Variants in GALNS observed in about 807,000 individuals in gnomAD.
The protein encoded by GALNS is galactosamine (N-acetyl)-6-sulfatase.
In GALNS, 65 loss-of-function variants were observed where a neutral mutation model predicts 65.9. The ratio of observed to expected loss-of-function variants is 0.99; its 90% confidence interval spans 0.81 to 1.21. GALNS has a LOEUF of 1.21. Ranked by LOEUF, GALNS falls within the 50% of genes most tolerant of loss-of-function variation. The probability of loss-of-function intolerance (pLI) is 0.00; values close to 1 mark genes in which losing one functional copy is unlikely to be tolerated. For missense variants in GALNS, 776 were observed against 700.7 expected, an observed-to-expected ratio of 1.11 and a Z score of -1.21; for synonymous variants, 346 against 288.9, an observed-to-expected ratio of 1.20 and a Z score of -2.00.
At chr16:88,850,918 T>A (rs932618751) in intron 1 of GALNS, among the ~76,000 whole-genome samples, 1 of 152,184 alleles carries the variant, frequency 6.6e-6, no homozygotes, top group African/African-American at 2.4e-5. Flanking sequence ...GCTGCTCCTA[T>A]CAGCGAACAG....
Position 88,822,653 on chromosome 16 carries a change from C to G in GALNS, c.1300G>C (p.Asp434His). ...VSGVTTHNLE[D>H]HTKLPLIFHL... ...AAGATCAGGGGCAGCTTCGTGTGGTCTTCCAGATTGTGAGTTGTGACCCCT... is the reference window on the plus strand; with the variant it reads ...AAGATCAGGGGCAGCTTCGTGTGGTGTTCCAGATTGTGAGTTGTGACCCCT... The change falls in exon 12 of 14, where the codon GAC (aspartate) becomes CAC (histidine). Residue 434 changes from aspartate (D) to histidine (H), a missense_variant. Coordinates refer to ENST00000268695, the MANE Select transcript of GALNS (RefSeq NM_000512.5). The G allele has an allele frequency of 6.2e-7, 1 of 1,613,192 alleles. No individual in the cohort carries two copies. The highest frequency in any genetic ancestry group is 8.5e-7 in the Non-Finnish European group (1 of 1,179,862).
At chr16:88,850,498 C>T (rs77282198) in intron 1 of GALNS, among the ~76,000 whole-genome samples, 3,484 of 152,078 alleles carry the variant, frequency 0.023, 62 homozygotes, top group Non-Finnish European at 0.035. Flanking sequence ...GAAAATACTG[C>T]GGGGAGGAGT....
At chr16:88,824,938 G>C in intron 10 of GALNS, 69 bp from the exon 11 acceptor site, 1 of 1,267,258 alleles carries the variant, frequency 7.9e-7, no homozygotes. Context: ...GAGGCTCTGG[G>C]CTGCGTCTGT....
At chr16:88,846,889 G>C (rs918155326) in intron 1 of GALNS, among the ~76,000 whole-genome samples, 3 of 152,118 alleles carry the variant, frequency 2.0e-5, no homozygotes, top group Non-Finnish European at 4.4e-5. Context: ...GGTCCCAGGA[G>C]GCTCCTGGGA....
At position 88,837,703 on chromosome 16, in the gene GALNS, G is replaced by A. The variant is rs118204444; in HGVS notation, c.485C>T (p.Ser162Phe). 5 of 1,613,882 alleles carry A rather than the reference G, an allele frequency of 3.1e-6. No homozygotes were observed. Among genetic ancestry groups the A allele is most frequent in the Admixed American group, 1.7e-5 (1 of 60,006 alleles). The change falls in exon 5 of 14, where the codon TCC (serine) becomes TTC (phenylalanine). Residue 162 changes from serine to phenylalanine, a missense_variant. Physicochemically the swap from Ser to Phe is radical, Grantham distance 155. Transcript: ENST00000268695. Reference protein sequence around the residue: ...LKHGFDEWFGSPNCHFGPYDN... With the variant: ...LKHGFDEWFGFPNCHFGPYDN... ...ATAAGGTCCAAAGTGGCAGTTGGGG[G>A]ATCCAAACCACTCATCAAATCCGTG...
intron 1 of GALNS, among the ~76,000 whole-genome samples, chr16:88,853,841 C>A (rs1204720318): frequency 2.6e-5 from 4 of 152,160 alleles, no homozygotes; most frequent in Non-Finnish European, 5.9e-5. Context: ...CGGCTCAGCT[C>A]CCCCTGGACA....
Position 88,813,878 on chromosome 16 carries a change from C to T in GALNS, c.*561G>A, listed in dbSNP as rs1909357904. The T allele has an allele frequency of 5.9e-6, 1 of 169,086 alleles. No homozygotes were observed. The highest frequency in any genetic ancestry group is 2.4e-5 in the African/African-American group (1 of 41,870). 10.5% of individuals were successfully genotyped at this position (169,086 alleles called of 1,614,324 possible). A position where few individuals can be genotyped will look rare whatever the true frequency, so the allele number is the denominator to read the frequency against. On this transcript the variant is annotated 3_prime_UTR_variant, in exon 14 of 14. Transcript: ENST00000268695. ...GGACAGACGGAACTGGAAGTCATCC[C>T]TCTGGGGCTCCCCTGAGACAAACGC...
intron 5 of GALNS, 124 bp downstream of exon 5, chr16:88,837,498 G>A: frequency 1.0e-6 from 1 of 995,920 alleles, no homozygotes; most frequent in East Asian, 2.5e-5. Flanking sequence ...CGGTGCCCGG[G>A]GACCCAGGGA....
At chr16:88,839,287 G>GC in intron 4 of GALNS, among the ~76,000 whole-genome samples, 2 of 148,382 alleles carry the variant, frequency 1.3e-5, no homozygotes, top group African/African-American at 5.1e-5. Flanking sequence ...ACACTCGTGC[G>GC]CCAACGTCCG....
intron 1 of GALNS, chr16:88,843,711 T>G (rs1248566805): frequency 6.2e-6 from 1 of 160,192 alleles, no homozygotes; most frequent in Non-Finnish European, 1.4e-5. Context: ...ACCTTGATTT[T>G]GCACTTCTGG....
intron 1 of GALNS, among the ~76,000 whole-genome samples, chr16:88,849,309 G>A (rs1035719781): frequency 1.3e-5 from 2 of 151,932 alleles, no homozygotes; most frequent in Non-Finnish European, 2.9e-5. Context: ...TTTTGAGATG[G>A]AGTCTCACTC....
chr16:88,814,431 C>T lies in GALNS; in HGVS notation c.*8G>A, dbSNP rs1167010650. 12 of 1,555,894 alleles carry T rather than the reference C, an allele frequency of 7.7e-6. No individual in the cohort carries two copies. Among genetic ancestry groups the T allele is most frequent in the East Asian group, 2.4e-5 (1 of 41,834 alleles). Reference sequence around the variant, plus strand: ...AGATTCTAGGCCTGGCCTGAGTCTGCGCAGGTGCTAGTGGGACCAGAGGCA... The same window carrying T: ...AGATTCTAGGCCTGGCCTGAGTCTGTGCAGGTGCTAGTGGGACCAGAGGCA... On this transcript the variant is annotated 3_prime_UTR_variant, in exon 14 of 14. Transcript: ENST00000268695.
chr16:88,825,350 G>T (rs1910752073), intron 10 of GALNS, among the ~76,000 whole-genome samples: 1 of 137,636 alleles, frequency 7.3e-6, no homozygotes, highest in Non-Finnish European at 1.5e-5. Flanking sequence ...TGGGGCTGGG[G>T]TGTCTGGGCA....
intron 12 of GALNS, among the ~76,000 whole-genome samples, chr16:88,819,472 C>A (rs1909979005): frequency 6.6e-6 from 1 of 152,254 alleles, no homozygotes; most frequent in African/African-American, 2.4e-5. Flanking sequence ...GCGTGAACTG[C>A]ACGTGCACTT....
chr16:88,817,884 C>T (rs748720019), intron 13 of GALNS, 123 bp downstream of exon 13: 84 of 869,102 alleles, frequency 9.7e-5, no homozygotes, highest in Non-Finnish European at 1.5e-4. Context: ...GAGGGCCTCA[C>T]CACTGACGGA....
At chr16:88,849,846 G>C (rs1178072575) in intron 1 of GALNS, among the ~76,000 whole-genome samples, 2 of 152,272 alleles carry the variant, frequency 1.3e-5, no homozygotes, top group African/African-American at 4.8e-5. Context: ...GAGGTGGGAG[G>C]ACAGGGGGCA....
rs187364115 is a variant in GALNS, at chr16:88,855,632, C to T, written c.120+1126G>A. On this transcript the variant is annotated intron_variant, in intron 1 of 13. Coordinates refer to ENST00000268695, the MANE Select transcript of GALNS (RefSeq NM_000512.5). Reference sequence around the variant, plus strand: ...GTGTCTGTTATCTTTTCAAGTATATCTTTATGTTAAAAAACCATTAATTTA... The same window carrying T: ...GTGTCTGTTATCTTTTCAAGTATATTTTTATGTTAAAAAACCATTAATTTA... 1,048 of 612,280 alleles carry T rather than the reference C, an allele frequency of 1.7e-3. 2 individuals carry two copies. Among genetic ancestry groups the T allele is most frequent in the Non-Finnish European group, 2.5e-3 (848 of 344,082 alleles). The allele number at this position is 612,280 out of a possible 1,614,324, so 37.9% of individuals were successfully genotyped here. A position where few individuals can be genotyped will look rare whatever the true frequency, so the allele number is the denominator to read the frequency against.
chr16:88,855,374 G>A (rs117743715), intron 1 of GALNS: 8,080 of 702,560 alleles, frequency 0.012, 78 homozygotes, highest in Middle Eastern at 0.027. Flanking sequence ...ATCTACACTG[G>A]CCCAGAGGAA....
At position 88,842,224 on chromosome 16, in the gene GALNS, C is replaced by T. The variant is rs549821040; in HGVS notation, c.245-253G>A. 14 of 603,916 alleles carry T rather than the reference C, an allele frequency of 2.3e-5. No homozygotes were observed. The East Asian group carries it at 2.9e-4, about 12-fold the overall frequency. 37.4% of individuals were successfully genotyped at this position (603,916 alleles called of 1,614,324 possible). On this transcript the variant is annotated intron_variant, in intron 2 of 13. Transcript: ENST00000268695. ...TTGTCCCCAAGACCCCGCCTCCTTT[C>T]GCAGGCTCCTGGGACACCCACTGGG...
Sources: gnomAD v4.1 joint callset for allele counts (sites outside exome capture counted in the v4.1 genomes callset) on GRCh38, gnomAD v4.1.1 for gene constraint, MANE v1.5 for transcripts, NCBI Gene and HGNC (gene_info 2026-07-23, HGNC 2026-07-21) for gene names.